Variants in ANTXR2 observed in about 807,000 individuals in gnomAD.
ANTXR2 encodes the protein anthrax toxin receptor 2.
A neutral mutation model predicts 73.7 loss-of-function variants in ANTXR2; 44 were observed. That is an observed-to-expected ratio of 0.60 (90% confidence interval 0.47 to 0.77). The LOEUF (loss-of-function observed/expected upper bound fraction) is 0.77. ANTXR2 is among the 30% of genes least tolerant of loss of function. The pLI is 0.00. For synonymous variants in ANTXR2, 217 were observed against 205.9 expected (o/e 1.05, Z -0.46); for missense variants, 604 against 592.5 (o/e 1.02, Z -0.20).
intron 10 of ANTXR2, among the ~76,000 whole-genome samples, chr4:80,028,066 T>C (rs1371492943): frequency 6.6e-6 from 1 of 152,090 alleles, no homozygotes; most frequent in African/African-American, 2.4e-5. Flanking sequence ...GTAAACCGTG[T>C]TCATCCAAAA....
At chr4:79,959,053 T>C (rs1729045100) in intron 16 of ANTXR2, among the ~76,000 whole-genome samples, 1 of 151,674 alleles carries the variant, frequency 6.6e-6, no homozygotes, top group South Asian at 2.1e-4. Context: ...ATGAAAAAAA[T>C]GCAACTGCAA....
chr4:79,915,854 C>CTATATATATATATATA (rs1384449714), intron 16 of ANTXR2, among the ~76,000 whole-genome samples: 6 of 111,252 alleles, frequency 5.4e-5, no homozygotes, highest in African/African-American at 1.8e-4. Flanking sequence ...CTCTCTCTCT[C>CTATATATATATATATA]TCTCTCTCTA....
chr4:80,014,395 C>A (rs141970628), intron 11 of ANTXR2, among the ~76,000 whole-genome samples: 37 of 151,802 alleles, frequency 2.4e-4, no homozygotes, highest in Non-Finnish European at 5.0e-4. Context: ...GGTGAAACCC[C>A]GTCTCTACTA....
At chr4:80,032,398 T>C (rs1464734859) in intron 9 of ANTXR2, among the ~76,000 whole-genome samples, 1 of 151,806 alleles carries the variant, frequency 6.6e-6, no homozygotes, top group Non-Finnish European at 1.5e-5. Context: ...AAATGACTAC[T>C]GAATAAAAAT....
Position 80,065,737 on chromosome 4 carries a change from C to G in ANTXR2, c.296+3699G>C, listed in dbSNP as rs145057814. 1.7e-3 allele frequency among the ~76,000 whole-genome samples: 253 copies of G among 152,298 alleles called. 1 individual carries two copies. Among genetic ancestry groups the G allele is most frequent in the African/African-American group, 5.8e-3 (243 of 41,560 alleles). On this transcript the variant is annotated intron_variant, in intron 3 of 16. Coordinates refer to ENST00000403729, the MANE Select transcript of ANTXR2 (RefSeq NM_058172.6). The stretch of plus-strand genomic sequence containing the variant: ...TATTTACTACCTTCTAATCTTGCCT[C>G]ATCTCTACTAAGAATCTTCAGCAAC...
rs1184169438 is a variant in ANTXR2, at chr4:80,015,923, AAAAGGAAAGGAAAGG to A, written c.945+2960_945+2974del. On this transcript the variant is annotated intron_variant, in intron 11 of 16. Coordinates refer to ENST00000403729, the MANE Select transcript of ANTXR2 (RefSeq NM_058172.6). ...AAGGAAAGGAAAGGAAAGGAAAGGA[AAAAGGAAAGGAAAGG>A]AAAGGAAAGGAAAGGAAAGGAAAGG... Among the ~76,000 whole-genome samples, 270 of 36,974 alleles carry A rather than the reference AAAAGGAAAGGAAAGG, an allele frequency of 7.3e-3. 6 individuals carry two copies. Among genetic ancestry groups the A allele is most frequent in the African/African-American group, 0.019 (191 of 10,264 alleles). The allele number at this position is 36,974 out of a possible 152,430, so 24.3% of individuals were successfully genotyped here.
chr4:79,978,072 G>T lies in ANTXR2; in HGVS notation c.1282C>A (p.Pro428Thr), dbSNP rs756095211. 20 of 1,613,708 alleles carry T rather than the reference G, an allele frequency of 1.2e-5. No homozygotes were observed. The highest frequency in any genetic ancestry group is 1.7e-5 in the Non-Finnish European group (20 of 1,179,832). The change falls in exon 15 of 17, where the codon CCT (proline) becomes ACT (threonine). Residue 428 changes from proline (P) to threonine (T), a missense_variant. Pro to Thr is a conservative substitution (Grantham distance 38). Coordinates refer to ENST00000403729, the MANE Select transcript of ANTXR2 (RefSeq NM_058172.6). Reference protein sequence around the residue: ...IPEETEEPIRPRPPRPKPTHQ... With the variant: ...IPEETEEPIRTRPPRPKPTHQ... ...GTGGGTTTGGGTCGAGGTGGTCTAGGCCTGATGGGTTCCTCTGTTTCTTCA... is the reference window on the plus strand; with the variant it reads ...GTGGGTTTGGGTCGAGGTGGTCTAGTCCTGATGGGTTCCTCTGTTTCTTCA...
chr4:80,059,307 A>C (rs980174448), intron 3 of ANTXR2, among the ~76,000 whole-genome samples: 3 of 140,632 alleles, frequency 2.1e-5, no homozygotes, highest in African/African-American at 7.4e-5. Context: ...GAAAGAGAGG[A>C]GGCACACAAA....
rs1729714908 is a variant in ANTXR2, at chr4:79,978,040, C to T, written c.1314G>A (p.Gln438=). 6.2e-7 allele frequency: 1 copy of T among 1,606,818 alleles called. No homozygotes were observed. Among genetic ancestry groups the T allele is most frequent in the Non-Finnish European group, 8.5e-7 (1 of 1,177,784 alleles). ...GGGTGTACCATTTTGTCTGAGGAGGCTGGTGTGTGGGTTTGGGTCGAGGTG... is the reference window on the plus strand; with the variant it reads ...GGGTGTACCATTTTGTCTGAGGAGGTTGGTGTGTGGGTTTGGGTCGAGGTG... ...PRPPRPKPTH[Q]PPQTKWYTPI... Residue 438 remains glutamine, a synonymous_variant, in exon 15 of 17, where the codon CAG becomes CAA. Transcript: ENST00000403729.
chr4:79,937,232 A>G (rs1307563111), intron 16 of ANTXR2, among the ~76,000 whole-genome samples: 1 of 152,200 alleles, frequency 6.6e-6, no homozygotes, highest in Non-Finnish European at 1.5e-5. Flanking sequence ...AGCAATAGGA[A>G]AACCTCAAAA....
Position 80,049,164 on chromosome 4 carries a change from C to T in ANTXR2, c.636+5108G>A, listed in dbSNP as rs548744282. 8.6e-5 allele frequency among the ~76,000 whole-genome samples: 13 copies of T among 151,776 alleles called. No homozygotes were observed. The South Asian group carries it at 2.7e-3, about 31-fold the overall frequency. ...GGAATAATTCCAAATAGTGAAACAT[C>T]CCATGGTCCTGTTTTTACACAAGGA... On this transcript the variant is annotated intron_variant, in intron 7 of 16. Transcript: ENST00000403729.
At chr4:80,021,174 A>G (rs995586242) in intron 10 of ANTXR2, among the ~76,000 whole-genome samples, 2 of 144,040 alleles carry the variant, frequency 1.4e-5, no homozygotes, top group Admixed American at 1.4e-4. Context: ...AAAAAAAAAG[A>G]TGGTTTAGCT....
chr4:80,072,365 T>G, intron 1 of ANTXR2, 44 bp downstream of exon 1: 1 of 1,536,102 alleles, frequency 6.5e-7, no homozygotes, highest in Non-Finnish European at 8.8e-7. Flanking sequence ...GCTGATCCAG[T>G]GCCGCCCTCA....
intron 16 of ANTXR2, among the ~76,000 whole-genome samples, chr4:79,922,747 T>A (rs1255286392): frequency 6.6e-6 from 1 of 152,014 alleles, no homozygotes; most frequent in East Asian, 1.9e-4. Flanking sequence ...TACCTACAAG[T>A]CAAATATTGG....
intron 10 of ANTXR2, among the ~76,000 whole-genome samples, chr4:80,022,103 C>T (rs1236113594): frequency 6.6e-6 from 1 of 152,222 alleles, no homozygotes; most frequent in Admixed American, 6.5e-5. Context: ...AATGCTTTCA[C>T]TTCTACAACA....
intron 16 of ANTXR2, among the ~76,000 whole-genome samples, chr4:79,909,958 A>G (rs10033649): frequency 0.81 from 123,692 of 152,010 alleles, 50,534 homozygotes; most frequent in East Asian, 1. Flanking sequence ...CCATAATAGC[A>G]TGCTCAAATA....
intron 7 of ANTXR2, among the ~76,000 whole-genome samples, chr4:80,052,535 G>A (rs1284948868): frequency 3.3e-5 from 5 of 151,532 alleles, no homozygotes; most frequent in African/African-American, 7.3e-5. Context: ...CAGATACTAC[G>A]ATGTTTCCCC....
chr4:80,014,650 T>C (rs1263971064), intron 11 of ANTXR2, among the ~76,000 whole-genome samples: 1 of 152,180 alleles, frequency 6.6e-6, no homozygotes, highest in African/African-American at 2.4e-5. Context: ...TAAATCTCCT[T>C]TAACTCTCAG....
chr4:79,907,604 ATTTT>A, intron 16 of ANTXR2, 137 bp from the exon 17 acceptor site: 1 of 911,638 alleles, frequency 1.1e-6, no homozygotes, highest in Middle Eastern at 3.0e-4. Flanking sequence ...TGAAGTCATA[ATTTT>A]TTTTTCTTGG....
Sources: gnomAD v4.1 joint callset for allele counts (sites outside exome capture counted in the v4.1 genomes callset) on GRCh38, gnomAD v4.1.1 for gene constraint, MANE v1.5 for transcripts, NCBI Gene and HGNC (gene_info 2026-07-23, HGNC 2026-07-21) for gene names.